The following BLCAP variants were observed in gnomAD, a reference collection of about 807,000 sequenced individuals.
BLCAP encodes the protein BLCAP apoptosis inducing factor.
BLCAP carries 1 observed loss-of-function variant against 5.7 expected under a neutral mutation model. The ratio of observed to expected loss-of-function variants is 0.18; its 90% CI spans 0.06 to 0.83. The LOEUF (loss-of-function observed/expected upper bound fraction) is 0.83. BLCAP is among the 40% of genes least tolerant of loss of function. BLCAP has a pLI of 0.71. For synonymous variants in BLCAP, 48 were observed against 49.4 expected (o/e 0.97, Z 0.11); for missense variants, 66 against 107.6 (o/e 0.61, Z 1.71).
At chr20:37,527,065 G>A (rs1179703233) in intron 1 of BLCAP, 1 of 152,158 alleles carries the variant, frequency 6.6e-6, no homozygotes, top group Non-Finnish European at 1.5e-5. Flanking sequence ...GGGACACGGA[G>A]GCCTGGAAGG....
chr20:37,522,678 C>T, intron 1 of BLCAP: 1 of 1,611,788 alleles, frequency 6.2e-7, no homozygotes. Context: ...TGTTCAGGTA[C>T]TCCCTGCAGA....
Position 37,524,744 on chromosome 20 carries a change from C to A in BLCAP, c.-177+3049G>T, listed in dbSNP as rs567989524. 1.1e-4 allele frequency among the ~76,000 whole-genome samples: 17 copies of A among 152,296 alleles called. No individual in the cohort carries two copies. The East Asian group carries it at 3.3e-3, about 29-fold the overall frequency. ...CTAAGCAAGCCCTTAAGTTTCTTAG[C>A]CCAATCACCAGCACCTCTAAAGGCA... is the stretch of plus-strand genomic sequence containing the variant. On this transcript the variant is annotated intron_variant, in intron 1 of 1. Coordinates refer to ENST00000373537, the MANE Select transcript of BLCAP (RefSeq NM_006698.4).
chr20:37,519,980 T>C (rs914078704), intron 1 of BLCAP, among the ~76,000 whole-genome samples: 1 of 152,236 alleles, frequency 6.6e-6, no homozygotes, highest in African/African-American at 2.4e-5. Flanking sequence ...CAGCGTCACT[T>C]TGCCAGAATC....
At position 37,521,505 on chromosome 20, in the gene BLCAP, C is replaced by G; in HGVS notation, c.-176-2155G>C. ...GCCGCTTCCCGGACCCGTCCTATTC[C>G]GATTGCCGCGATCCTTGCCTGCCCA... On this transcript the variant is annotated intron_variant, in intron 1 of 1. Coordinates refer to ENST00000373537, the MANE Select transcript of BLCAP (RefSeq NM_006698.4). This position sits in a 1 kb window ranked among gnomAD's most constrained non-coding sequence, Gnocchi z 4.5. 1 of 1,171,640 alleles carries G rather than the reference C, an allele frequency of 8.5e-7. No individual in the cohort carries two copies. The highest frequency in any genetic ancestry group is 1.3e-6 in the Non-Finnish European group (1 of 789,780). The allele number at this position is 1,171,640 out of a possible 1,614,324, so 72.6% of individuals were successfully genotyped here.
At chr20:37,525,684 G>A (rs1354279495) in intron 1 of BLCAP, among the ~76,000 whole-genome samples, 1 of 152,246 alleles carries the variant, frequency 6.6e-6, no homozygotes, top group Non-Finnish European at 1.5e-5. Flanking sequence ...GCAATGCCTA[G>A]ATGGTCCAAA....
At chr20:37,523,114 G>T in intron 1 of BLCAP, 1 of 233,426 alleles carries the variant, frequency 4.3e-6, no homozygotes, top group South Asian at 1.5e-4. Flanking sequence ...ATGCCAGCAG[G>T]CCCCACCATG....
At chr20:37,520,752 G>C (rs2071539390) in intron 1 of BLCAP, among the ~76,000 whole-genome samples, 1 of 152,228 alleles carries the variant, frequency 6.6e-6, no homozygotes, top group Non-Finnish European at 1.5e-5. Flanking sequence ...GAGGACCTGG[G>C]CTTAAAACTC....
In BLCAP at chr20:37,519,086, C is replaced by G. The variant is rs2071469183; in HGVS notation, c.89G>C (p.Gly30Ala). ...ALWFSHSMFMGFYLLSFLLER... is the reference protein window; with the variant it reads ...ALWFSHSMFMAFYLLSFLLER... ...CAGGAGGAAGCTGAGCAGGTAGAAG[C>G]CCATGAACATGGAGTGGCTGAACCA... The change falls in exon 2 of 2, where the codon GGC (glycine) becomes GCC (alanine). Residue 30 changes from glycine (G) to alanine (A), a missense_variant. Coordinates refer to ENST00000373537, the MANE Select transcript of BLCAP (RefSeq NM_006698.4). The G allele has an allele frequency of 2.5e-6, 4 of 1,614,042 alleles. No homozygotes were observed. The highest frequency in any genetic ancestry group is 3.4e-6 in the Non-Finnish European group (4 of 1,180,006).
intron 1 of BLCAP, chr20:37,522,598 G>GGGGGGGGGGGCCC: frequency 1.2e-6 from 1 of 864,288 alleles, no homozygotes; most frequent in East Asian, 4.6e-5. Context: ...GCGGGGGTGG[G>GGGGGGGGGGGCCC]CACGGCAGCA....
rs1188321079 is a variant in BLCAP, at chr20:37,522,720, G to C, written c.-176-3370C>G. On this transcript the variant is annotated intron_variant, in intron 1 of 1. Transcript: ENST00000373537. ...CATACACGGTGTCGCGGACCGGGCG[G>C]CAGGTGTTGGGGGAGCGCAGGCAGC... 8.1e-6 allele frequency: 13 copies of C among 1,611,646 alleles called. No homozygotes were observed. In the Admixed American group the frequency reaches 1.5e-4, roughly 19 times the overall value.
chr20:37,522,972 G>A (rs1048224196), intron 1 of BLCAP: 10 of 516,804 alleles, frequency 1.9e-5, no homozygotes, highest in South Asian at 1.7e-4. Context: ...CCTTTGCACC[G>A]GTCCCACTAA....
chr20:37,521,262 A>G lies in BLCAP; in HGVS notation c.-176-1912T>C. 6.5e-7 allele frequency: 1 copy of G among 1,528,978 alleles called. No individual in the cohort carries two copies. Among genetic ancestry groups the G allele is most frequent in the Non-Finnish European group, 9.1e-7 (1 of 1,103,364 alleles). 94.7% of individuals were successfully genotyped at this position (1,528,978 alleles called of 1,614,324 possible). ...CCGCGGCTGCGGCAGTGCGCCCAAC[A>G]GCGGACTCCGAGACCAGCGGATCTC... On this transcript the variant is annotated intron_variant, in intron 1 of 1. Coordinates refer to ENST00000373537, the MANE Select transcript of BLCAP (RefSeq NM_006698.4). This position sits in a 1 kb window ranked among gnomAD's most constrained non-coding sequence, Gnocchi z 4.5.
rs1212914631 is a variant in BLCAP at position 37,521,643 on chromosome 20, G to A, written c.-176-2293C>T. The A allele has an allele frequency of 1.5e-5, 8 of 531,468 alleles. No individual in the cohort carries two copies. The highest frequency in any genetic ancestry group is 1.5e-4 in the South Asian group (7 of 46,830). The allele number at this position is 531,468 out of a possible 1,614,324, so 32.9% of individuals were successfully genotyped here. On this transcript the variant is annotated intron_variant, in intron 1 of 1. Transcript: ENST00000373537. This position sits in a 1 kb window ranked among gnomAD's most constrained non-coding sequence, Gnocchi z 4.5. ...AGGGAACAAAGACTCGGGGCGCGGC[G>A]GGCGACCGCTGCGGACGATCACCCA...
chr20:37,522,520 GT>G, intron 1 of BLCAP: 1 of 1,477,292 alleles, frequency 6.8e-7, no homozygotes, highest in Non-Finnish European at 9.3e-7. Flanking sequence ...GCCCTGACTC[GT>G]GGACAAGCTG....
intron 1 of BLCAP, chr20:37,522,461 A>G (rs1182056577): frequency 6.2e-7 from 1 of 1,603,652 alleles, no homozygotes; most frequent in Non-Finnish European, 8.5e-7. Context: ...TGTGGGTCCA[A>G]TCAGCTTGCC....
In BLCAP at chr20:37,521,828, AC is replaced by A. The variant is rs1303209106; in HGVS notation, c.-176-2479del. On this transcript the variant is annotated intron_variant, in intron 1 of 1. Transcript: ENST00000373537. This position sits in a 1 kb window ranked among gnomAD's most constrained non-coding sequence, Gnocchi z 4.5. Reference sequence around the variant, plus strand: ...TTGCGGAGAAATTTTATTTAAAAAAACATATAGCGCTTGCGGGGGTGGAACA... The same window carrying A: ...TTGCGGAGAAATTTTATTTAAAAAAAATATAGCGCTTGCGGGGGTGGAACA... The A allele has an allele frequency of 6.1e-6, 1 of 162,836 alleles. No individual in the cohort carries two copies. Among genetic ancestry groups the A allele is most frequent in the African/African-American group, 2.4e-5 (1 of 41,874 alleles). The allele number at this position is 162,836 out of a possible 1,614,324, so 10.1% of individuals were successfully genotyped here.
At chr20:37,522,023 A>G (rs1271345187) in intron 1 of BLCAP, among the ~76,000 whole-genome samples, 1 of 151,762 alleles carries the variant, frequency 6.6e-6, no homozygotes, top group East Asian at 1.9e-4. Flanking sequence ...AATGCATTAG[A>G]TTAAAAACGC....
intron 1 of BLCAP, chr20:37,526,977 G>C (rs568346012): frequency 6.6e-6 from 1 of 152,324 alleles, no homozygotes; most frequent in East Asian, 1.9e-4. Flanking sequence ...GAAAGGGATA[G>C]ACGATCCAAA....
At chr20:37,522,993 C>A (rs1371110329) in intron 1 of BLCAP, 2 of 472,168 alleles carry the variant, frequency 4.2e-6, no homozygotes, top group African/African-American at 4.0e-5. Context: ...GGGGCAGGGT[C>A]GAGAGAGGAG....
Sources: gnomAD v4.1 joint callset for allele counts (sites outside exome capture counted in the v4.1 genomes callset) on GRCh38, gnomAD v4.1.1 for gene constraint, Gnocchi (gnomAD v3.1) non-coding constraint, MANE v1.5 for transcripts, NCBI Gene and HGNC (gene_info 2026-07-23, HGNC 2026-07-21) for gene names.